SMUG1: variants seen among roughly 807,000 people sequenced by gnomAD.
SMUG1 encodes the protein single-strand-selective monofunctional uracil-DNA glycosylase 1.
A neutral mutation model predicts 23.9 loss-of-function variants in SMUG1; 13 were observed. The ratio of observed to expected loss-of-function variants is 0.54; its 90% CI spans 0.35 to 0.86. The LOEUF is 0.86. Among genes scored for constraint, SMUG1 ranks in the 40% least tolerant of loss-of-function variants. SMUG1 has a pLI of 0.01. For missense variants in SMUG1, 313 were observed against 339.5 expected (o/e 0.92, Z 0.61); for synonymous variants, 133 against 139.8 (o/e 0.95, Z 0.34).
chr12:54,176,660 A>G (rs1233660588), downstream of SMUG1, among the ~76,000 whole-genome samples: 1 of 151,588 alleles, frequency 6.6e-6, no homozygotes, highest in Non-Finnish European at 1.5e-5. Context: ...CAAAAAAATT[A>G]GCCGGGCGTG....
chr12:54,179,198 T>C (rs974776081), downstream of SMUG1, among the ~76,000 whole-genome samples: 2 of 152,228 alleles, frequency 1.3e-5, no homozygotes, highest in Non-Finnish European at 2.9e-5. Context: ...CTTGCTCAAC[T>C]TGCAGACAGC....
At chr12:54,177,309 T>C (rs1940781278), downstream of SMUG1, among the ~76,000 whole-genome samples, 1 of 152,196 alleles carries the variant, frequency 6.6e-6, no homozygotes, top group African/African-American at 2.4e-5. Context: ...CACTTGTTTT[T>C]TTAAACCTCC....
downstream of SMUG1, among the ~76,000 whole-genome samples, chr12:54,176,239 G>C (rs61921384): frequency 1.8e-4 from 28 of 151,810 alleles, no homozygotes; most frequent in Non-Finnish European, 3.4e-4. Flanking sequence ...AAAAAAAAAG[G>C]CTGGGCATGG....
At position 54,181,733 on chromosome 12, in the gene SMUG1, C is replaced by A; in HGVS notation, c.*363G>T. 6.6e-7 allele frequency: 1 copy of A among 1,516,128 alleles called. No individual in the cohort carries two copies. Among genetic ancestry groups the A allele is most frequent in the Non-Finnish European group, 8.8e-7 (1 of 1,135,494 alleles). The allele number at this position is 1,516,128 out of a possible 1,614,324, so 93.9% of individuals were successfully genotyped here. On this transcript the variant is annotated 3_prime_UTR_variant, in exon 4 of 4. Coordinates refer to ENST00000682136, the MANE Select transcript of SMUG1 (RefSeq NM_001243787.2). Reference sequence around the variant, plus strand: ...AAGATATTTCCTCTGAAATAGTAAACGTGACCTTAGAAGTTACTGTCTAGG... The same window carrying A: ...AAGATATTTCCTCTGAAATAGTAAAAGTGACCTTAGAAGTTACTGTCTAGG...
chr12:54,178,950 G>C (rs564586235), downstream of SMUG1, among the ~76,000 whole-genome samples: 1 of 152,136 alleles, frequency 6.6e-6, no homozygotes, highest in Non-Finnish European at 1.5e-5. Flanking sequence ...TAGAAAAAGC[G>C]GGCAGAAAAA....
chr12:54,184,981 T>G (rs79591219), intron 2 of SMUG1, among the ~76,000 whole-genome samples: 1 of 152,246 alleles, frequency 6.6e-6, no homozygotes, highest in Admixed American at 6.5e-5. Flanking sequence ...CTGGCCAACA[T>G]GGCGAAACCC....
intron 2 of SMUG1, 143 bp from the exon 3 acceptor site, chr12:54,184,102 T>A: frequency 1.6e-6 from 1 of 629,582 alleles, no homozygotes; most frequent in Non-Finnish European, 2.6e-6. Flanking sequence ...AACCACCAAG[T>A]AGGACTGAAC....
At chr12:54,182,807 GT>G in intron 3 of SMUG1, 184 bp from the exon 4 acceptor site, 4 of 1,211,314 alleles carry the variant, frequency 3.3e-6, no homozygotes, top group Non-Finnish European at 4.4e-6. Context: ...TCTTTTTCCA[GT>G]TCTTCATTGT....
Position 54,182,160 on chromosome 12 carries a change from C to A in SMUG1, c.749G>T (p.Gly250Val). ...PSPRNPQANK[G>V]WEAVAKERLN... ...TCTTTCCTTGGCCACTGCCTCCCAGCCCTTGTTGGCCTGTGGGTTACGGGG... is the reference window on the plus strand; with the variant it reads ...TCTTTCCTTGGCCACTGCCTCCCAGACCTTGTTGGCCTGTGGGTTACGGGG... Residue 250 changes from glycine (G) to valine (V), a missense_variant, in exon 4 of 4, where the codon GGC (glycine) becomes GTC (valine). Physicochemically the swap from Gly to Val is moderately radical, Grantham distance 109. Transcript: ENST00000682136. 2 of 1,597,866 alleles carry A rather than the reference C, an allele frequency of 1.3e-6. No homozygotes were observed. Among genetic ancestry groups the A allele is most frequent in the Non-Finnish European group, 8.5e-7 (1 of 1,170,408 alleles).
chr12:54,187,004 G>C (rs1942630867), intron 2 of SMUG1: 1 of 152,124 alleles, frequency 6.6e-6, no homozygotes, highest in Admixed American at 6.5e-5. Context: ...GACATAATGA[G>C]ACCCCATCTG....
At chr12:54,178,142 A>C (rs2136557379), downstream of SMUG1, among the ~76,000 whole-genome samples, 1 of 152,316 alleles carries the variant, frequency 6.6e-6, no homozygotes, top group South Asian at 2.1e-4. Flanking sequence ...GGAAAGATCA[A>C]ACCATCTTGA....
intron 3 of SMUG1, 193 bp downstream of exon 3, chr12:54,183,463 T>C: frequency 1.6e-6 from 1 of 606,854 alleles, no homozygotes; most frequent in East Asian, 2.8e-5. Flanking sequence ...ATTAATGTGC[T>C]TGGTTAATTA....
At chr12:54,171,959 A>G in intron 3 of SMUG1, 1 of 403,834 alleles carries the variant, frequency 2.5e-6, no homozygotes, top group South Asian at 1.7e-5. Flanking sequence ...AAATGTATCA[A>G]AAATTTGACC....
chr12:54,159,256 T>G (rs921544951), intron 4 of SMUG1, among the ~76,000 whole-genome samples: 1 of 152,168 alleles, frequency 6.6e-6, no homozygotes, highest in Non-Finnish European at 1.5e-5. Context: ...AATTAGGAGC[T>G]GTGCAGTCCG....
At chr12:54,166,142 C>A (rs1428464250) in intron 3 of SMUG1, among the ~76,000 whole-genome samples, 1 of 152,160 alleles carries the variant, frequency 6.6e-6, no homozygotes, top group Non-Finnish European at 1.5e-5. Flanking sequence ...GTGGGTGGAT[C>A]ATGAGGTCAG....
chr12:54,182,754 G>A (rs1941409416), intron 3 of SMUG1, 131 bp from the exon 4 acceptor site: 8 of 1,459,538 alleles, frequency 5.5e-6, no homozygotes, highest in Non-Finnish European at 7.2e-6. Flanking sequence ...TCACCCAAAG[G>A]CCTGAGACAA....
chr12:54,188,286 AAT>A (rs1219020231), intron 1 of SMUG1, among the ~76,000 whole-genome samples: 7 of 28,598 alleles, frequency 2.4e-4, no homozygotes, highest in Admixed American at 1.9e-3. Context: ...TAATAATAAT[AAT>A]AATAATAAAT....
chr12:54,180,058 G>A (rs1057338154), downstream of SMUG1, among the ~76,000 whole-genome samples: 2 of 152,126 alleles, frequency 1.3e-5, no homozygotes, highest in African/African-American at 2.4e-5. Flanking sequence ...TAAAATCATC[G>A]GCATGTGGCT....
At chr12:54,163,612 A>G (rs1020187507), downstream of SMUG1, among the ~76,000 whole-genome samples, 3 of 152,160 alleles carry the variant, frequency 2.0e-5, no homozygotes, top group African/African-American at 7.2e-5. Context: ...GAGGAGGGCT[A>G]TGTTAGTCTC....
Sources: gnomAD v4.1 joint callset for allele counts (sites outside exome capture counted in the v4.1 genomes callset) on GRCh38, gnomAD v4.1.1 for gene constraint, MANE v1.5 for transcripts, NCBI Gene and HGNC (gene_info 2026-07-23, HGNC 2026-07-21) for gene names.